Variants in EPB41L1 observed in about 807,000 individuals in gnomAD.
EPB41L1 encodes the protein erythrocyte membrane protein band 4.1 like 1.
A neutral mutation model predicts 97.8 loss-of-function variants in EPB41L1; 29 were observed. The observed-to-expected ratio is 0.30, with a 90% CI of 0.22 to 0.40. The LOEUF (loss-of-function observed/expected upper bound fraction) is 0.40, where lower values mean the gene tolerates loss of function less well. Among genes scored for constraint, EPB41L1 ranks in the 10% least tolerant of loss-of-function variants. The pLI, the probability that EPB41L1 is intolerant of heterozygous loss-of-function variation, is 1.00. For synonymous variants in EPB41L1, 383 were observed against 459.2 expected, an observed-to-expected ratio of 0.83 and a Z score of 2.12; for missense variants, 812 against 1,162.3, an observed-to-expected ratio of 0.70 and a Z score of 4.38.
intron 2 of EPB41L1, among the ~76,000 whole-genome samples, chr20:36,129,839 A>G (rs1221667337): frequency 1.3e-5 from 2 of 151,854 alleles, no homozygotes; most frequent in South Asian, 2.1e-4. Flanking sequence ...CACAGGTGCA[A>G]TCACAGCCTC....
chr20:36,204,471 C>CTTTTTTT lies in EPB41L1; in HGVS notation c.1669-4997_1669-4991dup, dbSNP rs765673962. On this transcript the variant is annotated intron_variant, in intron 14 of 21. Transcript: ENST00000338074. ...GGCCTAACAGTGCTGCGATCTGGTG[C>CTTTTTTT]TTTTTTTTTTTTTTTTTTTTTTTTT... 4.9e-4 allele frequency among the ~76,000 whole-genome samples: 44 copies of CTTTTTTT among 90,604 alleles called. 4 individuals are homozygous for CTTTTTTT. Among genetic ancestry groups the CTTTTTTT allele is most frequent in the African/African-American group, 2.5e-3 (44 of 17,390 alleles). The allele number at this position is 90,604 out of a possible 152,430, so 59.4% of individuals were successfully genotyped here.
rs940106959 is a variant in EPB41L1 at position 36,207,568 on chromosome 20, C to G, written c.1669-1920C>G. On this transcript the variant is annotated intron_variant, in intron 14 of 21. Coordinates refer to ENST00000338074, the MANE Select transcript of EPB41L1 (RefSeq NM_012156.2). The surrounding 1 kb of genome is among the most constrained non-coding windows in gnomAD (Gnocchi z 4.9). ...ACCCGTGGGACAAGCAGAGCAGCAG[C>G]GGAGTACGCTCTCAGACCTGGGCTT... The G allele has an allele frequency of 7.8e-7, 1 of 1,289,928 alleles. No homozygotes were observed. Among genetic ancestry groups the G allele is most frequent in the African/African-American group, 1.5e-5 (1 of 65,980 alleles). 79.9% of individuals were successfully genotyped at this position (1,289,928 alleles called of 1,614,324 possible).
chr20:36,199,698 G>A (rs1364196813), intron 14 of EPB41L1, among the ~76,000 whole-genome samples: 1 of 152,182 alleles, frequency 6.6e-6, no homozygotes, highest in Non-Finnish European at 1.5e-5. Context: ...GGCGGAGGCT[G>A]GTCTAGTGAT....
At position 36,190,630 on chromosome 20, in the gene EPB41L1, C is replaced by T; in HGVS notation, c.1133C>T (p.Ser378Phe). 1.2e-6 allele frequency: 2 copies of T among 1,613,650 alleles called. No individual in the cohort carries two copies. The highest frequency in any genetic ancestry group is 1.7e-6 in the Non-Finnish European group (2 of 1,179,870). The change falls in exon 11 of 22, where the codon TCC (serine) becomes TTC (phenylalanine). Residue 378 changes from serine to phenylalanine, a missense_variant. Ser to Phe is a radical substitution (Grantham distance 155). This residue lies in a region of EPB41L1 where 230 missense variants were observed against 445.2 expected (regional missense o/e 0.52). Transcript: ENST00000338074. The surrounding 1 kb of genome is among the most constrained non-coding windows in gnomAD (Gnocchi z 5.8). ...GCATCCCTCTGCTGCAGGCTGGTGT[C>T]CCCTGAGCCCCCACCCAAGGGCTTC... ...IEHHTFFRLVSPEPPPKGFLV... is the reference protein window; with the variant it reads ...IEHHTFFRLVFPEPPPKGFLV...
At chr20:36,202,330 G>T (rs541753671) in intron 14 of EPB41L1, among the ~76,000 whole-genome samples, 11 of 152,242 alleles carry the variant, frequency 7.2e-5, no homozygotes, top group Non-Finnish European at 1.6e-4. Flanking sequence ...TTAGCAGCCT[G>T]TAGGTCTCAT....
intron 2 of EPB41L1, among the ~76,000 whole-genome samples, chr20:36,116,414 C>T (rs757504879): frequency 6.6e-6 from 1 of 152,142 alleles, no homozygotes; most frequent in Non-Finnish European, 1.5e-5. Flanking sequence ...TCTTCTGAGA[C>T]GTGAAGAGGT....
At chr20:36,112,063 G>A (rs2058422246) in intron 1 of EPB41L1, among the ~76,000 whole-genome samples, 1 of 151,974 alleles carries the variant, frequency 6.6e-6, no homozygotes, top group South Asian at 2.1e-4. Context: ...CCTAGCTTAG[G>A]CCCTCATCAT....
At chr20:36,222,206 C>A in intron 20 of EPB41L1, 72 bp from the exon 21 acceptor site, 1 of 1,355,530 alleles carries the variant, frequency 7.4e-7, no homozygotes, top group Non-Finnish European at 1.1e-6. Context: ...CACTAGAGGG[C>A]TTGCTGTTCT....
chr20:36,154,937 G>T lies in EPB41L1; in HGVS notation c.-15+41G>T, dbSNP rs2060225315. 3 of 1,110,928 alleles carry T rather than the reference G, an allele frequency of 2.7e-6. No homozygotes were observed. Among genetic ancestry groups the T allele is most frequent in the Non-Finnish European group, 2.2e-6 (2 of 898,948 alleles). The allele number at this position is 1,110,928 out of a possible 1,614,324, so 68.8% of individuals were successfully genotyped here. A position where few individuals can be genotyped will look rare whatever the true frequency, so the allele number is the denominator to read the frequency against. On this transcript the variant is annotated intron_variant, in intron 1 of 21. Coordinates refer to ENST00000338074, the MANE Select transcript of EPB41L1 (RefSeq NM_012156.2). This position sits in a 1 kb window ranked among gnomAD's most constrained non-coding sequence, Gnocchi z 5.5. ...AATCAGGTGGCTCTCGGGGCCGGGG[G>T]CTTGCAACATCTAGGCCCAGCCTCC...
At chr20:36,131,583 C>T (rs1479928227) in intron 2 of EPB41L1, among the ~76,000 whole-genome samples, 2 of 152,152 alleles carry the variant, frequency 1.3e-5, no homozygotes, top group Non-Finnish European at 2.9e-5. Context: ...GTGTCCACTT[C>T]CTCAGCTGTA....
chr20:36,190,744 T>C lies in EPB41L1; in HGVS notation c.1247T>C (p.Phe416Ser). The change falls in exon 11 of 22, where the codon TTC becomes TCC. Residue 416 changes from phenylalanine (F) to serine (S), a missense_variant. Around this residue, in one of 3 missense-constraint regions of EPB41L1, gnomAD observed 498 missense variants for 622.7 expected, o/e 0.80. Coordinates refer to ENST00000338074, the MANE Select transcript of EPB41L1 (RefSeq NM_012156.2). The surrounding 1 kb of genome is among the most constrained non-coding windows in gnomAD (Gnocchi z 5.8). ...GCCCTCATTGACCGGCCTGCACCCT[T>C]CTTTGAGCGTTCTTCCAGCAAACGG... The part of the protein sequence containing the change: ...ASALIDRPAP[F>S]FERSSSKRYT... 2 of 1,614,174 alleles carry C rather than the reference T, an allele frequency of 1.2e-6. No individual in the cohort carries two copies. The highest frequency in any genetic ancestry group is 1.7e-6 in the Non-Finnish European group (2 of 1,180,026).
At chr20:36,149,850 C>A (rs1213719854), upstream of EPB41L1, 1 of 152,346 alleles carries the variant, frequency 6.6e-6, no homozygotes, top group East Asian at 1.9e-4. Context: ...TTAGTGTCTT[C>A]TCCTCCAGGA....
intron 1 of EPB41L1, among the ~76,000 whole-genome samples, chr20:36,158,151 G>A (rs1174253161): frequency 2.0e-5 from 3 of 152,112 alleles, no homozygotes; most frequent in Admixed American, 6.6e-5. Flanking sequence ...GGGGAGTCAG[G>A]ATTCAAACCT....
intron 20 of EPB41L1, 136 bp downstream of exon 20, chr20:36,222,080 C>G (rs2063815601): frequency 9.3e-7 from 1 of 1,071,578 alleles, no homozygotes; most frequent in African/African-American, 1.6e-5. Context: ...AGATAAGAAA[C>G]CCCCAAGAGA....
rs548154674 is a variant in EPB41L1, at chr20:36,194,876, G to A, written c.1450-453G>A. Among the ~76,000 whole-genome samples, 340 of 152,234 alleles carry A rather than the reference G, an allele frequency of 2.2e-3. 3 individuals are homozygous for A. Among genetic ancestry groups the A allele is most frequent in the Non-Finnish European group, 3.7e-3 (255 of 68,018 alleles). On this transcript the variant is annotated intron_variant, in intron 12 of 21. Coordinates refer to ENST00000338074, the MANE Select transcript of EPB41L1 (RefSeq NM_012156.2). ...CACACTCACTTAATAACAGATGTAT[G>A]CACCCGTCACCCTTAGATCCATGCA...
rs1045571049 is a variant in EPB41L1 at position 36,231,902 on chromosome 20, G to A, written c.*2562G>A. The A allele has an allele frequency of 2.0e-5, 3 of 152,730 alleles. No individual in the cohort carries two copies. The highest frequency in any genetic ancestry group is 6.5e-5 in the Admixed American group (1 of 15,272). 9.5% of individuals were successfully genotyped at this position (152,730 alleles called of 1,614,324 possible). ...GGCTCCATCCTCTCTGGGCCACTTCGGTCTAGGAACTCATCTTTGCAGGAA... is the reference window on the plus strand; with the variant it reads ...GGCTCCATCCTCTCTGGGCCACTTCAGTCTAGGAACTCATCTTTGCAGGAA... On this transcript the variant is annotated 3_prime_UTR_variant, in exon 22 of 22. Transcript: ENST00000338074.
Position 36,177,954 on chromosome 20 carries a change from A to T in EPB41L1, c.345A>T (p.Lys115Asn), listed in dbSNP as rs1273216692. Residue 115 changes from lysine (K) to asparagine (N), a missense_variant and splice_region_variant, in exon 4 of 22, where the codon AAA (lysine) becomes AAT (asparagine). Lys to Asn is a moderately conservative substitution (Grantham distance 94, BLOSUM62 0). Coordinates refer to ENST00000338074, the MANE Select transcript of EPB41L1 (RefSeq NM_012156.2). The stretch of plus-strand genomic sequence containing the variant: ...AGCTGCTCTGCTTCCCTCCTTAGAA[A>T]CATGGCCGGGGCCAGGTGCTGTTTG... Reference protein sequence around the residue: ...DASEYECEVEKHGRGQVLFDL... With the variant: ...DASEYECEVENHGRGQVLFDL... 1.2e-6 allele frequency: 2 copies of T among 1,613,992 alleles called. No individual in the cohort carries two copies. The highest frequency in any genetic ancestry group is 2.2e-5 in the South Asian group (2 of 91,074).
rs182357438 is a variant in EPB41L1, at chr20:36,136,331, C to T, written c.-10+23851C>T. Reference sequence around the variant, plus strand: ...GACTACAGGCACATGCAACTGTGCCCGGCTAAGTTTTTTTTTTTTTTTTTT... The same window carrying T: ...GACTACAGGCACATGCAACTGTGCCTGGCTAAGTTTTTTTTTTTTTTTTTT... On this transcript the variant is annotated intron_variant, in intron 2 of 19. Coordinates refer to the EPB41L1 transcript ENST00000202028. Among the ~76,000 whole-genome samples, 44 of 148,438 alleles carry T rather than the reference C, an allele frequency of 3.0e-4. No homozygotes were observed. The East Asian group carries it at 4.0e-3, about 14-fold the overall frequency.
chr20:36,204,107 G>A (rs1410853508), intron 14 of EPB41L1, among the ~76,000 whole-genome samples: 1 of 152,188 alleles, frequency 6.6e-6, no homozygotes, highest in Non-Finnish European at 1.5e-5. Flanking sequence ...CAGAGACTGA[G>A]TTCAAGGCCT....
Sources: allele counts gnomAD v4.1 joint callset (sites outside exome capture counted in the v4.1 genomes callset), GRCh38; gene constraint gnomAD v4.1.1; regional missense constraint gnomAD v4.1.1; non-coding constraint Gnocchi (gnomAD v3.1); transcripts MANE v1.5; gene names NCBI Gene and HGNC (gene_info 2026-07-23, HGNC 2026-07-21).